The following MPP3 variants were observed in gnomAD, a reference collection of about 807,000 sequenced individuals.
The protein encoded by MPP3 is MAGUK p55 subfamily member 3.
In MPP3, 48 loss-of-function variants were observed where a neutral mutation model predicts 80.7. The ratio of observed to expected loss-of-function variants is 0.59; its 90% CI spans 0.47 to 0.76. The LOEUF (loss-of-function observed/expected upper bound fraction) is 0.76, where lower values mean the gene tolerates loss of function less well. Among genes scored for constraint, MPP3 ranks in the 30% least tolerant of loss-of-function variants. The pLI is 0.00. For missense variants in MPP3, 620 were observed against 763.0 expected, an observed-to-expected ratio of 0.81 and a Z score of 2.21; for synonymous variants, 311 against 297.6, an observed-to-expected ratio of 1.04 and a Z score of -0.46.
In MPP3 at chr17:43,830,082, G is replaced by C. The variant is rs373251472; in HGVS notation, c.248C>G (p.Ser83Cys). The C allele has an allele frequency of 1.3e-6, 2 of 1,555,838 alleles. No homozygotes were observed. The highest frequency in any genetic ancestry group is 2.7e-5 in the African/African-American group (2 of 73,100). Reference protein sequence around the residue: ...EDVMEELQAASVHSDERELLQ... With the variant: ...EDVMEELQAACVHSDERELLQ... ...CAGCTCCCTCTCATCACTGTGCACG[G>C]AGGCGGCCTGCAACTCCTCCATCAC... Residue 83 changes from serine (S) to cysteine (C), a missense_variant, in exon 6 of 20, where the codon TCC becomes TGC. By Grantham distance (112) the Ser-to-Cys change is moderately radical. Transcript: ENST00000398389.
chr17:43,833,039 G>GCCTCCCGCC (rs1454810263), intron 1 of MPP3, 62 bp downstream of exon 1: 1 of 151,250 alleles, frequency 6.6e-6, no homozygotes, highest in Non-Finnish European at 1.5e-5. Context: ...TCTCGGCCCG[G>GCCTCCCGCC]CCTCCCGCCC....
At position 43,823,995 on chromosome 17, in the gene MPP3, T is replaced by G. The variant is rs373507209; in HGVS notation, c.620A>C (p.Gln207Pro). 6.2e-7 allele frequency: 1 copy of G among 1,607,826 alleles called. No homozygotes were observed. Among genetic ancestry groups the G allele is most frequent in the South Asian group, 1.1e-5 (1 of 89,882 alleles). The change falls in exon 10 of 20, where the codon CAG (glutamine) becomes CCG (proline). Residue 207 changes from glutamine to proline, a missense_variant. Physicochemically the swap from Gln to Pro is moderately conservative, Grantham distance 76. Coordinates refer to ENST00000398389, the MANE Select transcript of MPP3 (RefSeq NM_001932.6). ...GATGATTTTTAGGGTGATGGATCCCTGGGACTGGGCCTGAAACGAAAGAGA... is the reference window on the plus strand; with the variant it reads ...GATGATTTTTAGGGTGATGGATCCCGGGGACTGGGCCTGAAACGAAAGAGA... ...DEISQILAQSQGSITLKIIPA... is the reference protein window; with the variant it reads ...DEISQILAQSPGSITLKIIPA...
chr17:43,827,641 A>G, intron 8 of MPP3, 110 bp downstream of exon 8: 2 of 1,000,680 alleles, frequency 2.0e-6, no homozygotes. Flanking sequence ...GCAAATCCCA[A>G]ACAGGTGACC....
chr17:43,827,113 T>G (rs1167579700), intron 8 of MPP3, among the ~76,000 whole-genome samples: 1 of 152,096 alleles, frequency 6.6e-6, no homozygotes, highest in East Asian at 1.9e-4. Context: ...CCTCCCAGAT[T>G]CAAGCGATTC....
At chr17:43,826,828 A>AT (rs1284088250) in intron 8 of MPP3, among the ~76,000 whole-genome samples, 25 of 126,236 alleles carry the variant, frequency 2.0e-4, no homozygotes, top group East Asian at 4.0e-4. Context: ...ATATATATAT[A>AT]TATTTTTTTT....
chr17:43,817,837 T>G, intron 12 of MPP3: 11 of 417,788 alleles, frequency 2.6e-5, no homozygotes, highest in East Asian at 1.0e-4. Flanking sequence ...CCCAGCATCA[T>G]CTATGGACTC....
At chr17:43,803,848 A>C (rs189656125) in intron 19 of MPP3, among the ~76,000 whole-genome samples, 3 of 152,144 alleles carry the variant, frequency 2.0e-5, no homozygotes. Context: ...TCACAGCTGC[A>C]GTGTGGTGGA....
Position 43,818,130 on chromosome 17 carries a change from T to C in MPP3, c.882-20A>G, listed in dbSNP as rs2045244079. 2.0e-6 allele frequency: 3 copies of C among 1,499,606 alleles called. No homozygotes were observed. The highest frequency in any genetic ancestry group is 1.8e-6 in the Non-Finnish European group (2 of 1,121,338). The allele number at this position is 1,499,606 out of a possible 1,614,324, so 92.9% of individuals were successfully genotyped here. A position where few individuals can be genotyped will look rare whatever the true frequency, so the allele number is the denominator to read the frequency against. Reference sequence around the variant, plus strand: ...AGTCGTCTGCAGGGACACAAGGGGATGGGCGGGCCCGTGAGCTGGGCCAGA... The same window carrying C: ...AGTCGTCTGCAGGGACACAAGGGGACGGGCGGGCCCGTGAGCTGGGCCAGA... On this transcript the variant is annotated intron_variant, in intron 11 of 19. Transcript: ENST00000398389.
intron 2 of MPP3, among the ~76,000 whole-genome samples, chr17:43,832,521 G>A (rs1598377167): frequency 6.6e-6 from 1 of 152,202 alleles, no homozygotes; most frequent in Non-Finnish European, 1.5e-5. Context: ...TGGGAGTCGG[G>A]CTTCCACTAT....
intron 19 of MPP3, among the ~76,000 whole-genome samples, chr17:43,804,916 G>A (rs1050082264): frequency 6.6e-6 from 1 of 152,196 alleles, no homozygotes; most frequent in Non-Finnish European, 1.5e-5. Context: ...CTACTTGGAG[G>A]TTGAGGCAGG....
At chr17:43,831,790 C>T in intron 3 of MPP3, 92 bp downstream of exon 3, 1 of 1,448,092 alleles carries the variant, frequency 6.9e-7, no homozygotes, top group Non-Finnish European at 9.4e-7. Flanking sequence ...AGGACATTCT[C>T]TCCCCAGGCT....
At chr17:43,821,130 G>A in intron 10 of MPP3, 72 bp from the exon 11 acceptor site, 1 of 1,464,426 alleles carries the variant, frequency 6.8e-7, no homozygotes, top group Middle Eastern at 2.2e-4. Flanking sequence ...CACATCAAAG[G>A]CCACATGACA....
At position 43,827,119 on chromosome 17, in the gene MPP3, G is replaced by A. The variant is rs568598465; in HGVS notation, c.523+632C>T. Among the ~76,000 whole-genome samples, 5 of 152,100 alleles carry A rather than the reference G, an allele frequency of 3.3e-5. No individual in the cohort carries two copies. In the East Asian group the frequency reaches 5.8e-4, roughly 18 times the overall value. ...CAACCTCCACCTCCCAGATTCAAGC[G>A]ATTCTCTTGCCTCAGCCTTCCCAAG... On this transcript the variant is annotated intron_variant, in intron 8 of 19. Transcript: ENST00000398389.
rs757859546 is a variant in MPP3, at chr17:43,818,118, G to C, written c.882-8C>G. 1.3e-6 allele frequency: 2 copies of C among 1,532,296 alleles called. No individual in the cohort carries two copies. Among genetic ancestry groups the C allele is most frequent in the Non-Finnish European group, 8.8e-7 (1 of 1,136,050 alleles). The allele number at this position is 1,532,296 out of a possible 1,614,324, so 94.9% of individuals were successfully genotyped here. ...CTCCGGTAGCTTAGTCGTCTGCAGG[G>C]ACACAAGGGGATGGGCGGGCCCGTG... On this transcript the variant is annotated splice_polypyrimidine_tract_variant and splice_region_variant and intron_variant, in intron 11 of 19. Transcript: ENST00000398389.
At chr17:43,813,722 T>G (rs1443367942) in intron 16 of MPP3, among the ~76,000 whole-genome samples, 1 of 151,990 alleles carries the variant, frequency 6.6e-6, no homozygotes, top group African/African-American at 2.4e-5. Flanking sequence ...GGCCCCGTGG[T>G]GTCAGGTTGA....
chr17:43,818,933 C>CAAA lies in MPP3; in HGVS notation c.882-826_882-824dup, dbSNP rs60979702. The CAAA allele has an allele frequency of 5.0e-5, 6 of 121,098 alleles. 1 individual carries two copies. The highest frequency in any genetic ancestry group is 1.4e-4 in the African/African-American group (5 of 35,082). The allele number at this position is 121,098 out of a possible 1,614,324, so 7.5% of individuals were successfully genotyped here. A position where few individuals can be genotyped will look rare whatever the true frequency, so the allele number is the denominator to read the frequency against. On this transcript the variant is annotated intron_variant, in intron 11 of 19. Coordinates refer to ENST00000398389, the MANE Select transcript of MPP3 (RefSeq NM_001932.6). ...CCTGGGCAAGAGTGAAACCATGTCT[C>CAAA]AAAAAAAAAAAAAAAATGCAGCTGA...
Position 43,823,963 on chromosome 17 carries a change from T to C in MPP3, c.652A>G (p.Thr218Ala). ...TCCTTTAAGCGATCTTCCTCCTGGG[T>C]GGCTGGGATGATTTTTAGGGTGATG... ...GSITLKIIPA[T>A]QEEDRLKESK... The change falls in exon 10 of 20, where the codon ACC becomes GCC. Residue 218 changes from threonine to alanine, a missense_variant. Coordinates refer to ENST00000398389, the MANE Select transcript of MPP3 (RefSeq NM_001932.6). 6.2e-7 allele frequency: 1 copy of C among 1,609,794 alleles called. No homozygotes were observed.
Position 43,831,689 on chromosome 17 carries a change from T to C in MPP3, c.26-12A>G, listed in dbSNP as rs772453718. The C allele has an allele frequency of 1.3e-5, 21 of 1,593,290 alleles. No homozygotes were observed. The highest frequency in any genetic ancestry group is 1.5e-5 in the Non-Finnish European group (17 of 1,167,410). ...GGTTTCATGCAAACCTGGGGAGAGGTGAGAAAAACAAAGGATAGCAAACGC... is the reference window on the plus strand; with the variant it reads ...GGTTTCATGCAAACCTGGGGAGAGGCGAGAAAAACAAAGGATAGCAAACGC... On this transcript the variant is annotated splice_polypyrimidine_tract_variant and intron_variant, in intron 3 of 19. Coordinates refer to ENST00000398389, the MANE Select transcript of MPP3 (RefSeq NM_001932.6).
At chr17:43,831,355 A>C in intron 4 of MPP3, 34 bp from the exon 5 acceptor site, 1 of 1,599,188 alleles carries the variant, frequency 6.3e-7, no homozygotes, top group Non-Finnish European at 8.6e-7. Flanking sequence ...TGCACCCTGG[A>C]CACCACACAT....
Sources: gnomAD v4.1 joint callset for allele counts (sites outside exome capture counted in the v4.1 genomes callset) on GRCh38, gnomAD v4.1.1 for gene constraint, MANE v1.5 for transcripts, NCBI Gene and HGNC (gene_info 2026-07-23, HGNC 2026-07-21) for gene names.